The following SUGCT variants were observed in gnomAD, a reference collection of about 807,000 sequenced individuals.
SUGCT encodes the protein succinyl-CoA:glutarate-CoA transferase.
A neutral mutation model predicts 55.0 loss-of-function variants in SUGCT; 41 were observed. The ratio of observed to expected loss-of-function variants is 0.74; its 90% CI spans 0.58 to 0.97. The LOEUF is 0.97. Ranked by LOEUF, SUGCT falls within the 50% of genes least tolerant of loss-of-function variation. The pLI is 0.00. For synonymous variants in SUGCT, 187 were observed against 200.4 expected (o/e 0.93, Z 0.56); for missense variants, 568 against 547.8 (o/e 1.04, Z -0.37).
rs1349253816 is a variant in SUGCT at position 40,377,185 on chromosome 7, T to TC, written c.816+60331dup. On this transcript the variant is annotated intron_variant, in intron 9 of 13. Transcript: ENST00000335693. ...TTCTTTCTTTCTTTCTTTCTTTCTT[T>TC]CTTTCTTTCTTTCTTTTCTTTTCTT... Among the ~76,000 whole-genome samples, 13 of 15,022 alleles carry TC rather than the reference T, an allele frequency of 8.7e-4. 1 individual carries two copies. Among genetic ancestry groups the TC allele is most frequent in the Admixed American group, 1.8e-3 (1 of 564 alleles). 9.9% of individuals were successfully genotyped at this position (15,022 alleles called of 152,430 possible).
At chr7:40,155,340 A>G (rs1278651692) in intron 1 of SUGCT, among the ~76,000 whole-genome samples, 1 of 151,998 alleles carries the variant, frequency 6.6e-6, no homozygotes, top group Admixed American at 6.6e-5. Context: ...CCCACAAAGC[A>G]AATTAAAAGA....
chr7:40,285,272 T>G (rs1342720110), intron 8 of SUGCT, among the ~76,000 whole-genome samples: 1 of 152,122 alleles, frequency 6.6e-6, no homozygotes, highest in African/African-American at 2.4e-5. Flanking sequence ...TGAGTTTAGA[T>G]TTTGTCCTTG....
At chr7:40,188,375 A>C in intron 3 of SUGCT, 120 bp from the exon 4 acceptor site, 1 of 661,872 alleles carries the variant, frequency 1.5e-6, no homozygotes, top group Non-Finnish European at 2.5e-6. Context: ...TAGAGGTTGC[A>C]GTGAGCAGAG....
At chr7:40,563,089 C>T (rs1795929497) in intron 12 of SUGCT, among the ~76,000 whole-genome samples, 1 of 152,138 alleles carries the variant, frequency 6.6e-6, no homozygotes, top group Non-Finnish European at 1.5e-5. Context: ...CACGCACATG[C>T]ACATGCACCT....
At chr7:40,986,383 C>A in the SUGCT span, among the ~76,000 whole-genome samples, 1 of 152,128 alleles carries the variant, frequency 6.6e-6, no homozygotes. Flanking sequence ...ATGAGCAAGT[C>A]TTCAGTGTTG....
At chr7:40,543,553 A>T (rs1255836385) in intron 12 of SUGCT, among the ~76,000 whole-genome samples, 1 of 152,234 alleles carries the variant, frequency 6.6e-6, no homozygotes, top group African/African-American at 2.4e-5. Context: ...GACACACAGG[A>T]TAAAAGGTTA....
In SUGCT at chr7:40,843,378, C is replaced by T. The variant is rs369599787; in HGVS notation, c.1154-16938C>T. ...TACCAAAATTAGCTGGGCATGGTGG[C>T]GCATGCCTGTAATCCCAGCTACTCG... On this transcript the variant is annotated intron_variant, in intron 13 of 13. Coordinates refer to ENST00000335693, the MANE Select transcript of SUGCT (RefSeq NM_001193313.2). Among the ~76,000 whole-genome samples the T allele has an allele frequency of 2.5e-3, 377 of 152,040 alleles. 2 individuals are homozygous for T. The highest frequency in any genetic ancestry group is 8.7e-3 in the African/African-American group (362 of 41,486).
At position 40,602,821 on chromosome 7, in the gene SUGCT, G is replaced by A. The variant is rs531664736; in HGVS notation, c.1089+106435G>A. 3.1e-4 allele frequency among the ~76,000 whole-genome samples: 47 copies of A among 152,080 alleles called. 1 individual carries two copies. Among genetic ancestry groups the A allele is most frequent in the Non-Finnish European group, 5.7e-4 (39 of 68,028 alleles). ...ACTATCTCTCCCTTCCATGGGATTAGCAATCCCATCCTAGACATTATTCAT... is the reference window on the plus strand; with the variant it reads ...ACTATCTCTCCCTTCCATGGGATTAACAATCCCATCCTAGACATTATTCAT... On this transcript the variant is annotated intron_variant, in intron 12 of 13. Transcript: ENST00000335693.
chr7:40,634,863 G>A (rs925516425), intron 12 of SUGCT, among the ~76,000 whole-genome samples: 2 of 152,152 alleles, frequency 1.3e-5, no homozygotes, highest in African/African-American at 4.8e-5. Flanking sequence ...AAATTAATAT[G>A]AATGAATACA....
Position 40,470,026 on chromosome 7 carries a change from C to T in SUGCT, c.986+10828C>T, listed in dbSNP as rs553107928. On this transcript the variant is annotated intron_variant, in intron 11 of 13. Coordinates refer to ENST00000335693, the MANE Select transcript of SUGCT (RefSeq NM_001193313.2). ...TGAGAACTTAGAATTAATAGTATCA[C>T]GGGCCAAAGATCCCTTGAAACGTGG... Among the ~76,000 whole-genome samples, 550 of 152,188 alleles carry T rather than the reference C, an allele frequency of 3.6e-3. 4 individuals are homozygous for T. Among genetic ancestry groups the T allele is most frequent in the African/African-American group, 0.013 (529 of 41,532 alleles).
Position 40,449,357 on chromosome 7 carries a change from A to G in SUGCT, c.887A>G (p.Lys296Arg), listed in dbSNP as rs1315249057. ...AACCAGCAGTTTGCCACCGTCTGCAAGGTAATCTATAATTATTGGGATTGG... is the reference window on the plus strand; with the variant it reads ...AACCAGCAGTTTGCCACCGTCTGCAGGGTAATCTATAATTATTGGGATTGG... ...GNNQQFATVC[K>R]ILDLPELIDN... The change falls in exon 10 of 14, where the codon AAG (lysine) becomes AGG (arginine). Residue 296 changes from lysine (K) to arginine (R), a missense_variant and splice_region_variant. Lys to Arg is a conservative substitution (Grantham distance 26). Coordinates refer to ENST00000335693, the MANE Select transcript of SUGCT (RefSeq NM_001193313.2). The G allele has an allele frequency of 6.2e-7, 1 of 1,606,578 alleles. No homozygotes were observed. The highest frequency in any genetic ancestry group is 2.2e-5 in the East Asian group (1 of 44,760).
At chr7:40,327,891 C>T (rs1343278950) in intron 9 of SUGCT, among the ~76,000 whole-genome samples, 1 of 152,158 alleles carries the variant, frequency 6.6e-6, no homozygotes, top group Non-Finnish European at 1.5e-5. Flanking sequence ...ATATTTACCA[C>T]AGCCCTTAAA....
At chr7:40,683,549 C>T (rs1198005345) in intron 12 of SUGCT, among the ~76,000 whole-genome samples, 1 of 152,172 alleles carries the variant, frequency 6.6e-6, no homozygotes, top group Non-Finnish European at 1.5e-5. Flanking sequence ...GTTCCCTTTC[C>T]CACTGTGGGA....
chr7:40,355,650 T>C (rs1797851436), intron 9 of SUGCT, among the ~76,000 whole-genome samples: 1 of 152,316 alleles, frequency 6.6e-6, no homozygotes, highest in Admixed American at 6.5e-5. Flanking sequence ...GAATATAAAA[T>C]AATTTAGTAT....
intron 7 of SUGCT, among the ~76,000 whole-genome samples, chr7:40,242,933 A>ATATATATATAT (rs1270335224): frequency 1.2e-4 from 2 of 17,206 alleles, no homozygotes; most frequent in African/African-American, 1.5e-4. Flanking sequence ...ATATATATAT[A>ATATATATATAT]TTTTTTTTTT....
At chr7:40,669,744 C>G (rs1391974065) in intron 12 of SUGCT, among the ~76,000 whole-genome samples, 1 of 151,466 alleles carries the variant, frequency 6.6e-6, no homozygotes, top group Non-Finnish European at 1.5e-5. Flanking sequence ...AATAAATCAC[C>G]CTTAATGGAC....
chr7:40,636,547 C>T (rs1463654301), intron 12 of SUGCT, among the ~76,000 whole-genome samples: 1 of 152,138 alleles, frequency 6.6e-6, no homozygotes, highest in Non-Finnish European at 1.5e-5. Flanking sequence ...ACATTAAAAG[C>T]ACTGTAGTCC....
intron 12 of SUGCT, among the ~76,000 whole-genome samples, chr7:40,621,482 G>A (rs773073345): frequency 1.3e-5 from 2 of 152,156 alleles, no homozygotes; most frequent in African/African-American, 4.8e-5. Flanking sequence ...CTAAGGAGAA[G>A]GAATAAGTTA....
At chr7:40,606,322 A>G (rs1256407982) in intron 12 of SUGCT, among the ~76,000 whole-genome samples, 1 of 152,060 alleles carries the variant, frequency 6.6e-6, no homozygotes, top group Non-Finnish European at 1.5e-5. Flanking sequence ...GAGCTGAGAA[A>G]GGTTTGGTGC....
Sources: allele counts gnomAD v4.1 joint callset (sites outside exome capture counted in the v4.1 genomes callset), GRCh38; gene constraint gnomAD v4.1.1; transcripts MANE v1.5; gene names NCBI Gene and HGNC (gene_info 2026-07-23, HGNC 2026-07-21).